NDST4: variants seen among roughly 807,000 people sequenced by gnomAD.
NDST4 encodes the protein N-deacetylase and N-sulfotransferase 4, also known as N-heparan sulfate sulfotransferase 4.
A neutral mutation model predicts 100.8 loss-of-function variants in NDST4; 63 were observed. The observed-to-expected ratio is 0.62, with a 90% confidence interval of 0.51 to 0.77. The LOEUF is 0.77. Ranked by LOEUF, NDST4 falls within the 30% of genes least tolerant of loss-of-function variation. The probability of loss-of-function intolerance (pLI) is 0.00; values close to 1 mark genes in which losing one functional copy is unlikely to be tolerated. For missense variants in NDST4, 943 were observed against 1,018.4 expected (o/e 0.93, Z 1.01); for synonymous variants, 377 against 361.8 (o/e 1.04, Z -0.48).
chr4:114,948,541 C>T (rs1304864318), intron 4 of NDST4, among the ~76,000 whole-genome samples: 1 of 152,040 alleles, frequency 6.6e-6, no homozygotes, highest in East Asian at 1.9e-4. Flanking sequence ...CATGTTCACA[C>T]ATTTCAAACT....
At chr4:114,851,576 C>A (rs140453533) in intron 8 of NDST4, among the ~76,000 whole-genome samples, 1 of 152,222 alleles carries the variant, frequency 6.6e-6, no homozygotes, top group African/African-American at 2.4e-5. Flanking sequence ...TATTCAATGA[C>A]AAATGATAGG....
intron 6 of NDST4, among the ~76,000 whole-genome samples, chr4:114,885,796 T>C (rs553100911): frequency 2.6e-5 from 4 of 152,224 alleles, no homozygotes; most frequent in Non-Finnish European, 4.4e-5. Context: ...GCTGTGAGCA[T>C]ATCTGGATCT....
At chr4:114,983,023 G>A (rs891569244) in intron 2 of NDST4, among the ~76,000 whole-genome samples, 3 of 152,168 alleles carry the variant, frequency 2.0e-5, no homozygotes, top group Non-Finnish European at 4.4e-5. Context: ...GTGGGAAGGA[G>A]GTAAGAGTTG....
chr4:115,067,480 C>T (rs2126286000), intron 2 of NDST4, among the ~76,000 whole-genome samples: 1 of 151,822 alleles, frequency 6.6e-6, no homozygotes, highest in Admixed American at 6.6e-5. Context: ...TAAATAATGT[C>T]TTATTTTCTA....
chr4:114,987,824 G>T (rs936929532), intron 2 of NDST4, among the ~76,000 whole-genome samples: 1 of 152,154 alleles, frequency 6.6e-6, no homozygotes, highest in Non-Finnish European at 1.5e-5. Context: ...TTTATGGTTT[G>T]CTTATTTAGG....
chr4:114,970,975 C>T (rs542687727), intron 3 of NDST4, among the ~76,000 whole-genome samples: 15 of 151,930 alleles, frequency 9.9e-5, no homozygotes, highest in Admixed American at 9.2e-4. Flanking sequence ...TTTCTGATTA[C>T]ATAAATAATA....
chr4:114,863,942 G>A (rs17622486), intron 7 of NDST4, among the ~76,000 whole-genome samples: 10,786 of 152,070 alleles, frequency 0.071, 462 homozygotes, highest in East Asian at 0.13. Flanking sequence ...TTGCAAATTC[G>A]CAATCAAGCT....
At chr4:114,883,451 A>AATAT (rs1193010519) in intron 6 of NDST4, among the ~76,000 whole-genome samples, 3 of 152,072 alleles carry the variant, frequency 2.0e-5, no homozygotes, top group African/African-American at 7.2e-5. Flanking sequence ...AAGTTAAAAG[A>AATAT]ATATATAATT....
At chr4:114,867,915 G>A (rs186431613) in intron 7 of NDST4, among the ~76,000 whole-genome samples, 7 of 152,138 alleles carry the variant, frequency 4.6e-5, no homozygotes, top group Middle Eastern at 6.8e-3. Context: ...GCACAAATGC[G>A]TTTTGTGCTC....
intron 1 of NDST4, among the ~76,000 whole-genome samples, chr4:115,092,779 A>T (rs900398208): frequency 1.3e-4 from 20 of 152,184 alleles, no homozygotes; most frequent in African/African-American, 4.3e-4. Flanking sequence ...AGAGAAAAAT[A>T]TTCAATTAAA....
At chr4:114,970,674 C>T in intron 3 of NDST4, 90 bp from the exon 4 acceptor site, 1 of 1,102,976 alleles carries the variant, frequency 9.1e-7, no homozygotes, top group Non-Finnish European at 1.3e-6. Flanking sequence ...ATTTTTCATG[C>T]TGCTGATACA....
chr4:115,080,667 C>G (rs186955126), intron 1 of NDST4, among the ~76,000 whole-genome samples: 47 of 151,176 alleles, frequency 3.1e-4, no homozygotes, highest in African/African-American at 1.0e-3. Flanking sequence ...TTAAAAGATA[C>G]ATATATACAT....
intron 2 of NDST4, among the ~76,000 whole-genome samples, chr4:115,047,239 G>C (rs1443590584): frequency 6.6e-6 from 1 of 151,864 alleles, no homozygotes; most frequent in Non-Finnish European, 1.5e-5. Context: ...AAATAAAAAT[G>C]AGTTTTATGT....
chr4:115,082,981 G>C (rs1400665617), intron 1 of NDST4, among the ~76,000 whole-genome samples: 1 of 152,156 alleles, frequency 6.6e-6, no homozygotes, highest in Non-Finnish European at 1.5e-5. Context: ...TTGTAAATTG[G>C]AATGACTTAA....
chr4:115,093,747 A>G (rs1289576148), intron 1 of NDST4, among the ~76,000 whole-genome samples: 6 of 152,132 alleles, frequency 3.9e-5, no homozygotes, highest in African/African-American at 1.2e-4. Flanking sequence ...AAAATTTAAG[A>G]AACATAATTA....
chr4:115,060,388 T>G (rs145542160), intron 2 of NDST4, among the ~76,000 whole-genome samples: 1 of 152,110 alleles, frequency 6.6e-6, no homozygotes, highest in African/African-American at 2.4e-5. Flanking sequence ...ATTTTCATTT[T>G]GAGAGGTCAA....
At chr4:115,084,979 GA>G (rs1729379953) in intron 1 of NDST4, among the ~76,000 whole-genome samples, 1 of 152,094 alleles carries the variant, frequency 6.6e-6, no homozygotes, top group African/African-American at 2.4e-5. Context: ...TCATGTACTT[GA>G]AAAAGCCACA....
chr4:115,107,559 T>C (rs1729856391), intron 1 of NDST4, among the ~76,000 whole-genome samples: 1 of 152,106 alleles, frequency 6.6e-6, no homozygotes. Context: ...TTCTGCCTTA[T>C]CAGAAAGGCA....
chr4:114,839,470 A>G lies in NDST4; in HGVS notation c.2194T>C (p.Ser732Pro). The change falls in exon 11 of 14, where the codon TCT becomes CCT. Residue 732 changes from serine to proline, a missense_variant. Physicochemically the swap from Ser to Pro is moderately conservative, Grantham distance 74. Coordinates refer to ENST00000264363, the MANE Select transcript of NDST4 (RefSeq NM_022569.3). ...EVISTGHWAP[S>P]DLKTLQRRCL... ...CTTCTCTGCAAAGTTTTTAAGTCAG[A>G]TGGAGCCCAATGTCCTGTTGAAATA... 1 of 1,614,082 alleles carries G rather than the reference A, an allele frequency of 6.2e-7. No homozygotes were observed. The highest frequency in any genetic ancestry group is 8.5e-7 in the Non-Finnish European group (1 of 1,179,966).
Sources: allele counts gnomAD v4.1 joint callset (sites outside exome capture counted in the v4.1 genomes callset), GRCh38; gene constraint gnomAD v4.1.1; transcripts MANE v1.5; gene names NCBI Gene and HGNC (gene_info 2026-07-23, HGNC 2026-07-21).